Variants in ADAM2 observed in about 807,000 individuals in gnomAD.
ADAM2 encodes disintegrin and metalloproteinase domain-containing protein 2.
Under a neutral mutation model 99.3 loss-of-function variants are expected in ADAM2, and 101 were observed. The ratio of observed to expected loss-of-function variants is 1.02; its 90% CI spans 0.87 to 1.20. The LOEUF (loss-of-function observed/expected upper bound fraction) is 1.20, where lower values mean the gene tolerates loss of function less well. ADAM2 is among the 50% of genes most tolerant of loss of function. The probability of loss-of-function intolerance (pLI) is 0.00; values close to 1 mark genes in which losing one functional copy is unlikely to be tolerated. For synonymous variants in ADAM2, 323 were observed against 287.6 expected, an observed-to-expected ratio of 1.12 and a Z score of -1.25; for missense variants, 948 against 878.7, an observed-to-expected ratio of 1.08 and a Z score of -1.00.
At chr8:39,791,936 A>G (rs1370462471) in intron 7 of ADAM2, among the ~76,000 whole-genome samples, 2 of 152,100 alleles carry the variant, frequency 1.3e-5, no homozygotes, top group African/African-American at 4.8e-5. Context: ...ACCTAAAACT[A>G]GGATTCCTGT....
Position 39,767,876 on chromosome 8 carries a change from A to G in ADAM2, c.1213-625T>C, listed in dbSNP as rs1192330424. ...AAAGTTAGTAAAAGCAATAGATAAG[A>G]AGGCTAAAAGACAATGCATTCACAC... On this transcript the variant is annotated intron_variant, in intron 12 of 20. Coordinates refer to ENST00000265708, the MANE Select transcript of ADAM2 (RefSeq NM_001464.5). Among the ~76,000 whole-genome samples, 10 of 147,498 alleles carry G rather than the reference A, an allele frequency of 6.8e-5. No homozygotes were observed. The East Asian group carries it at 2.0e-3, about 29-fold the overall frequency.
intron 7 of ADAM2, among the ~76,000 whole-genome samples, chr8:39,803,519 C>G (rs1157530801): frequency 3.3e-5 from 5 of 152,142 alleles, no homozygotes; most frequent in African/African-American, 1.2e-4. Context: ...TTTTTTTGAG[C>G]TATGCTTCTT....
intron 11 of ADAM2, among the ~76,000 whole-genome samples, chr8:39,769,950 C>CTTTTTTTT (rs60250805): frequency 1.5e-5 from 2 of 134,852 alleles, no homozygotes; most frequent in Non-Finnish European, 3.1e-5. Flanking sequence ...TTTCTTTTTT[C>CTTTTTTTT]TTTTTTTTTT....
chr8:39,787,832 TA>T (rs1316051744), intron 9 of ADAM2, among the ~76,000 whole-genome samples: 3 of 151,708 alleles, frequency 2.0e-5, no homozygotes, highest in Non-Finnish European at 4.4e-5. Flanking sequence ...GTGAGATTTT[TA>T]ATAATGTGGT....
At chr8:39,781,573 T>G (rs1035312714) in intron 10 of ADAM2, among the ~76,000 whole-genome samples, 2 of 152,208 alleles carry the variant, frequency 1.3e-5, no homozygotes, top group African/African-American at 4.8e-5. Context: ...TTCTTTTAAT[T>G]TCTGTGTAGT....
chr8:39,827,497 A>G (rs1805458061), intron 3 of ADAM2, among the ~76,000 whole-genome samples: 1 of 152,174 alleles, frequency 6.6e-6, no homozygotes, highest in African/African-American at 2.4e-5. Context: ...CCATCAATGG[A>G]CAAATGGATA....
intron 17 of ADAM2, 79 bp downstream of exon 17, chr8:39,749,586 CGT>C (rs10702566): frequency 1.5e-3 from 1,771 of 1,196,110 alleles, no homozygotes; most frequent in Non-Finnish European, 1.7e-3. Flanking sequence ...TGTGTGTGTG[CGT>C]GTGTGTGTGT....
chr8:39,800,830 G>C (rs1804176803), intron 7 of ADAM2, among the ~76,000 whole-genome samples: 1 of 152,060 alleles, frequency 6.6e-6, no homozygotes, highest in Non-Finnish European at 1.5e-5. Context: ...GTTGATACTT[G>C]TGTATGCTTC....
At chr8:39,818,989 A>C (rs776180741) in intron 6 of ADAM2, among the ~76,000 whole-genome samples, 22 of 152,050 alleles carry the variant, frequency 1.4e-4, no homozygotes, top group Non-Finnish European at 2.9e-4. Flanking sequence ...CAGATTCAAC[A>C]CAATCCTGGG....
intron 2 of ADAM2, among the ~76,000 whole-genome samples, chr8:39,835,129 G>A (rs1805769059): frequency 6.6e-6 from 1 of 152,058 alleles, no homozygotes; most frequent in South Asian, 2.1e-4. Flanking sequence ...TTTGGATTTG[G>A]GACACCTGTT....
At chr8:39,744,949 C>G (rs961646007) in intron 19 of ADAM2, 56 bp from the exon 20 acceptor site, 1 of 1,371,256 alleles carries the variant, frequency 7.3e-7, no homozygotes, top group African/African-American at 1.5e-5. Context: ...TTTTACAAAC[C>G]TCTGTATTAT....
chr8:39,823,600 G>T (rs756376893), intron 4 of ADAM2, among the ~76,000 whole-genome samples: 3 of 151,698 alleles, frequency 2.0e-5, no homozygotes, highest in Non-Finnish European at 4.4e-5. Context: ...AGTTATGTAT[G>T]GAAGAATGAT....
chr8:39,757,884 C>T (rs1206981046), intron 15 of ADAM2, among the ~76,000 whole-genome samples: 1 of 152,016 alleles, frequency 6.6e-6, no homozygotes, highest in East Asian at 1.9e-4. Context: ...GATACCAACA[C>T]CAATACTACA....
chr8:39,769,275 T>C (rs1802684837), intron 12 of ADAM2, 117 bp downstream of exon 12: 1 of 729,714 alleles, frequency 1.4e-6, no homozygotes, highest in Non-Finnish European at 2.3e-6. Flanking sequence ...CATGCCCTCC[T>C]GAATCATTTG....
intron 1 of ADAM2, among the ~76,000 whole-genome samples, chr8:39,837,481 G>T (rs1207902192): frequency 6.6e-6 from 1 of 151,930 alleles, no homozygotes; most frequent in Non-Finnish European, 1.5e-5. Context: ...CCGCCTCCCG[G>T]TTTCAAGCGA....
intron 7 of ADAM2, among the ~76,000 whole-genome samples, chr8:39,791,518 A>C (rs186546341): frequency 1.6e-4 from 25 of 152,140 alleles, no homozygotes; most frequent in African/African-American, 5.5e-4. Context: ...CCTGTAACCC[A>C]TTAGGTATGC....
In ADAM2 at chr8:39,820,995, C is replaced by A; in HGVS notation, c.513+7G>T. 6.4e-7 allele frequency: 1 copy of A among 1,550,528 alleles called. No individual in the cohort carries two copies. Among genetic ancestry groups the A allele is most frequent in the Admixed American group, 1.9e-5 (1 of 52,526 alleles). On this transcript the variant is annotated splice_region_variant and intron_variant, in intron 6 of 20. Coordinates refer to ENST00000265708, the MANE Select transcript of ADAM2 (RefSeq NM_001464.5). Reference sequence around the variant, plus strand: ...TAACCATAGAGTTTGTTCAATTAATCACCTACCTCTACGCTTTGTAATTTA... The same window carrying A: ...TAACCATAGAGTTTGTTCAATTAATAACCTACCTCTACGCTTTGTAATTTA...
chr8:39,818,970 G>A (rs1460033289), intron 6 of ADAM2, among the ~76,000 whole-genome samples: 3 of 151,900 alleles, frequency 2.0e-5, no homozygotes, highest in African/African-American at 4.8e-5. Context: ...TATTCCTCAG[G>A]TTTATCTACA....
chr8:39,761,817 C>T (rs1052338495), intron 14 of ADAM2, among the ~76,000 whole-genome samples: 1 of 152,174 alleles, frequency 6.6e-6, no homozygotes, highest in African/African-American at 2.4e-5. Flanking sequence ...CGCGGTGGTT[C>T]ATGCCTGTAA....
Sources: allele counts gnomAD v4.1 joint callset (sites outside exome capture counted in the v4.1 genomes callset), GRCh38; gene constraint gnomAD v4.1.1; transcripts MANE v1.5; gene names NCBI Gene and HGNC (gene_info 2026-07-23, HGNC 2026-07-21).